The following CNNM4 variants were observed in gnomAD, a reference collection of about 807,000 sequenced individuals.
The protein encoded by CNNM4 is cyclin and CBS domain divalent metal cation transport mediator 4.
Under a neutral mutation model 53.7 loss-of-function variants are expected in CNNM4, and 32 were observed. That is an observed-to-expected ratio of 0.60 (90% CI 0.45 to 0.80). The LOEUF (loss-of-function observed/expected upper bound fraction) is 0.80, where lower values mean the gene tolerates loss of function less well. Among genes scored for constraint, CNNM4 ranks in the 30% least tolerant of loss-of-function variants. The pLI, the probability that CNNM4 is intolerant of heterozygous loss-of-function variation, is 0.00. For missense variants in CNNM4, 784 were observed against 1,022.0 expected, an observed-to-expected ratio of 0.77 and a Z score of 3.17; for synonymous variants, 410 against 440.0, an observed-to-expected ratio of 0.93 and a Z score of 0.85.
At chr2:96,766,721 C>G (rs2078822526) in intron 1 of CNNM4, among the ~76,000 whole-genome samples, 1 of 152,216 alleles carries the variant, frequency 6.6e-6, no homozygotes, top group Non-Finnish European at 1.5e-5. Context: ...ATCAATGTAT[C>G]TCTAGCCCCT....
In CNNM4 at chr2:96,809,844, AT is replaced by A. The variant is rs1310535699; in HGVS notation, c.*330del. The A allele has an allele frequency of 4.4e-6, 1 of 226,790 alleles. No individual in the cohort carries two copies. The highest frequency in any genetic ancestry group is 8.7e-6 in the Non-Finnish European group (1 of 115,500). The allele number at this position is 226,790 out of a possible 1,614,324, so 14.0% of individuals were successfully genotyped here. Reference sequence around the variant, plus strand: ...AGGGAAGACAGGGTTAAGGAACTTTATTTAAAAAAAAAATATTTTTTTCCTA... The same window carrying A: ...AGGGAAGACAGGGTTAAGGAACTTTATTAAAAAAAAAATATTTTTTTCCTA... On this transcript the variant is annotated 3_prime_UTR_variant, in exon 7 of 7. Transcript: ENST00000377075.
At position 96,806,536 on chromosome 2, in the gene CNNM4, C is replaced by CGCGCGA. The variant is rs1553479664; in HGVS notation, c.1949-2020_1949-2019insAGCGCG. Among the ~76,000 whole-genome samples the CGCGCGA allele has an allele frequency of 3.3e-4, 34 of 102,362 alleles. 1 individual carries two copies. Among genetic ancestry groups the CGCGCGA allele is most frequent in the African/African-American group, 1.3e-3 (29 of 21,948 alleles). The allele number at this position is 102,362 out of a possible 152,430, so 67.2% of individuals were successfully genotyped here. On this transcript the variant is annotated intron_variant, in intron 5 of 6. Transcript: ENST00000377075. Reference sequence around the variant, plus strand: ...ACACACACACACACACACACACACACGCGCGCGCGCGCGCGCGCCCTTAGT... The same window carrying CGCGCGA: ...ACACACACACACACACACACACACACGCGCGAGCGCGCGCGCGCGCGCGCCCTTAGT...
chr2:96,760,980 G>T lies in CNNM4; in HGVS notation c.-20G>T. 9.5e-7 allele frequency: 1 copy of T among 1,057,966 alleles called. No homozygotes were observed. The highest frequency in any genetic ancestry group is 1.1e-6 in the Non-Finnish European group (1 of 877,552). The allele number at this position is 1,057,966 out of a possible 1,614,324, so 65.5% of individuals were successfully genotyped here. A position where few individuals can be genotyped will look rare whatever the true frequency, so the allele number is the denominator to read the frequency against. ...GCGGCGTGGCGCGGGGAGCGGCGGC[G>T]GCGGCAGAGCCAGAGCAACATGGCG... On this transcript the variant is annotated 5_prime_UTR_variant, in exon 1 of 7. Transcript: ENST00000377075.
rs62152786 is a variant in CNNM4, at chr2:96,793,793, G to T, written c.1403-3219G>T. 6.6e-5 allele frequency among the ~76,000 whole-genome samples: 10 copies of T among 152,120 alleles called. No homozygotes were observed. In the South Asian group the frequency reaches 2.1e-3, roughly 32 times the overall value. On this transcript the variant is annotated intron_variant, in intron 1 of 6. Transcript: ENST00000377075. ...AGCCTGGCCAACCTGGCGAAACCCC[G>T]TCTCTACTAAAAATGCAAAATTAGC...
At chr2:96,804,931 A>C (rs920992973) in intron 5 of CNNM4, among the ~76,000 whole-genome samples, 2 of 152,010 alleles carry the variant, frequency 1.3e-5, no homozygotes, top group African/African-American at 4.8e-5. Context: ...CTGAGGCAGG[A>C]GGATCGCTTG....
intron 1 of CNNM4, among the ~76,000 whole-genome samples, chr2:96,787,517 A>G (rs1334090323): frequency 6.6e-6 from 1 of 152,146 alleles, no homozygotes; most frequent in Non-Finnish European, 1.5e-5. Context: ...CTGCAATTTA[A>G]TATACCAGAT....
At chr2:96,803,498 G>A (rs1348236639) in intron 5 of CNNM4, among the ~76,000 whole-genome samples, 2 of 152,148 alleles carry the variant, frequency 1.3e-5, no homozygotes, top group African/African-American at 2.4e-5. Context: ...GCCGAGGTGC[G>A]TGGATTGCCT....
chr2:96,760,984 G>A lies in CNNM4; in HGVS notation c.-16G>A. 9.2e-7 allele frequency: 1 copy of A among 1,081,678 alleles called. No homozygotes were observed. Among genetic ancestry groups the A allele is most frequent in the Non-Finnish European group, 1.1e-6 (1 of 892,374 alleles). 67.0% of individuals were successfully genotyped at this position (1,081,678 alleles called of 1,614,324 possible). Reference sequence around the variant, plus strand: ...CGTGGCGCGGGGAGCGGCGGCGGCGGCAGAGCCAGAGCAACATGGCGCCGG... The same window carrying A: ...CGTGGCGCGGGGAGCGGCGGCGGCGACAGAGCCAGAGCAACATGGCGCCGG... On this transcript the variant is annotated 5_prime_UTR_variant, in exon 1 of 7. Transcript: ENST00000377075.
chr2:96,769,022 C>T (rs1300860618), intron 1 of CNNM4, among the ~76,000 whole-genome samples: 3 of 152,268 alleles, frequency 2.0e-5, no homozygotes, highest in East Asian at 1.9e-4. Flanking sequence ...GAGGCCGAGG[C>T]GGGCGGATCA....
chr2:96,765,665 G>A (rs2078810296), intron 1 of CNNM4, among the ~76,000 whole-genome samples: 1 of 152,108 alleles, frequency 6.6e-6, no homozygotes, highest in African/African-American at 2.4e-5. Context: ...CCTTCTTAGT[G>A]TTTTCACCAC....
At chr2:96,769,251 A>G (rs1469511807) in intron 1 of CNNM4, among the ~76,000 whole-genome samples, 2 of 151,146 alleles carry the variant, frequency 1.3e-5, no homozygotes, top group African/African-American at 4.9e-5. Flanking sequence ...ACTCCGTCTC[A>G]ATAAAAAAGG....
chr2:96,761,516 G>A lies in CNNM4; in HGVS notation c.517G>A (p.Val173Met), dbSNP rs775865145. 6 of 1,614,056 alleles carry A rather than the reference G, an allele frequency of 3.7e-6. No individual in the cohort carries two copies. In the East Asian group the frequency reaches 1.1e-4, roughly 30 times the overall value. Residue 173 changes from valine (V) to methionine (M), a missense_variant, in exon 1 of 7, where the codon GTG (valine) becomes ATG (methionine). Coordinates refer to ENST00000377075, the MANE Select transcript of CNNM4 (RefSeq NM_020184.4). The surrounding 1 kb of genome is among the most constrained non-coding windows in gnomAD (Gnocchi z 6.0). ...WTDKDSLLFMVEEPGRFLPLW... is the reference protein window; with the variant it reads ...WTDKDSLLFMMEEPGRFLPLW... The stretch of plus-strand genomic sequence containing the variant: ...GGACAAGGACTCACTGCTCTTCATG[G>A]TGGAGGAGCCTGGGAGGTTCCTGCC...
chr2:96,763,224 G>T (rs1047196186), intron 1 of CNNM4, among the ~76,000 whole-genome samples: 1 of 152,140 alleles, frequency 6.6e-6, no homozygotes, highest in South Asian at 2.1e-4. Flanking sequence ...GCACTGCCTT[G>T]TGTTTTTTTC....
Position 96,774,226 on chromosome 2 carries a change from T to C in CNNM4, c.1402+11825T>C, listed in dbSNP as rs147195325. Among the ~76,000 whole-genome samples the C allele has an allele frequency of 2.0e-3, 300 of 152,242 alleles. 1 individual carries two copies. The highest frequency in any genetic ancestry group is 6.7e-3 in the African/African-American group (278 of 41,536). On this transcript the variant is annotated intron_variant, in intron 1 of 6. Coordinates refer to ENST00000377075, the MANE Select transcript of CNNM4 (RefSeq NM_020184.4). ...GTTTTCATTTCAGCTTCACTGGTCC[T>C]CTGCTGCCTCCCAGGTGTCTCAGGG...
intron 1 of CNNM4, among the ~76,000 whole-genome samples, chr2:96,794,525 T>C (rs1223673829): frequency 2.0e-5 from 3 of 152,196 alleles, no homozygotes; most frequent in Admixed American, 2.0e-4. Context: ...CGTTCCGCGC[T>C]TTATTCATCC....
At chr2:96,783,040 A>C (rs1201233956) in intron 1 of CNNM4, among the ~76,000 whole-genome samples, 2 of 152,142 alleles carry the variant, frequency 1.3e-5, no homozygotes, top group African/African-American at 4.8e-5. Context: ...CTCTGTCTCT[A>C]TTTTAAAAAT....
intron 1 of CNNM4, among the ~76,000 whole-genome samples, chr2:96,782,344 A>G (rs1327177664): frequency 6.6e-6 from 1 of 151,764 alleles, no homozygotes; most frequent in African/African-American, 2.4e-5. Context: ...CCTGACAGGC[A>G]GAGGTTGCCG....
At position 96,808,644 on chromosome 2, in the gene CNNM4, A is replaced by G. The variant is rs766606277; in HGVS notation, c.2032A>G (p.Thr678Ala). The G allele has an allele frequency of 6.2e-7, 1 of 1,614,054 alleles. No homozygotes were observed. Among genetic ancestry groups the G allele is most frequent in the Non-Finnish European group, 8.5e-7 (1 of 1,180,000 alleles). Reference protein sequence around the residue: ...PDRTDVSTAATLAGSSNQFGS... With the variant: ...PDRTDVSTAAALAGSSNQFGS... ...CCGCACAGACGTCTCAACTGCAGCA[A>G]CCTTGGCAGGCAGCAGCAACCAGTT... Residue 678 changes from threonine (T) to alanine (A), a missense_variant, in exon 6 of 7, where the codon ACC becomes GCC. Physicochemically the swap from Thr to Ala is moderately conservative, Grantham distance 58. Transcript: ENST00000377075. This position sits in a 1 kb window ranked among gnomAD's most constrained non-coding sequence, Gnocchi z 4.9.
Position 96,797,437 on chromosome 2 carries a change from G to A in CNNM4, c.1547-76G>A. On this transcript the variant is annotated intron_variant, in intron 2 of 6. Transcript: ENST00000377075. The surrounding 1 kb of genome is among the most constrained non-coding windows in gnomAD (Gnocchi z 6.0). ...TGGGACTAGGGGCTGGAGAGCAGGA[G>A]CTGCGGGGCGGGTTCCAGTCTCTTC... is the stretch of plus-strand genomic sequence containing the variant. The A allele has an allele frequency of 2.5e-6, 4 of 1,588,310 alleles. No individual in the cohort carries two copies. Among genetic ancestry groups the A allele is most frequent in the Non-Finnish European group, 3.4e-6 (4 of 1,166,226 alleles).
Sources: allele counts gnomAD v4.1 joint callset (sites outside exome capture counted in the v4.1 genomes callset), GRCh38; gene constraint gnomAD v4.1.1; non-coding constraint Gnocchi (gnomAD v3.1); transcripts MANE v1.5; gene names NCBI Gene and HGNC (gene_info 2026-07-23, HGNC 2026-07-21).